Variants in COL21A1 observed in about 807,000 individuals in gnomAD.
The protein encoded by COL21A1 is collagen alpha-1(XXI) chain.
In COL21A1, 149 loss-of-function variants were observed where a neutral mutation model predicts 137.9. That is an observed-to-expected ratio of 1.08 (90% CI 0.95 to 1.24). The LOEUF is 1.24. COL21A1 is among the 50% of genes most tolerant of loss of function. COL21A1 has a pLI of 0.00. For missense variants in COL21A1, 1,167 were observed against 1,158.4 expected, an observed-to-expected ratio of 1.01 and a Z score of -0.11; for synonymous variants, 456 against 391.5, an observed-to-expected ratio of 1.16 and a Z score of -1.95.
intron 1 of COL21A1, among the ~76,000 whole-genome samples, chr6:56,222,940 C>T (rs990189): frequency 0.064 from 9,716 of 151,808 alleles, 359 homozygotes; most frequent in Middle Eastern, 0.13. Context: ...ACATTTTTTG[C>T]TCTCATACCA....
At chr6:56,230,266 G>C (rs1253684776) in intron 1 of COL21A1, among the ~76,000 whole-genome samples, 1 of 151,882 alleles carries the variant, frequency 6.6e-6, no homozygotes, top group Non-Finnish European at 1.5e-5. Flanking sequence ...GGGGAATCTT[G>C]TATCAATCTC....
intron 12 of COL21A1, among the ~76,000 whole-genome samples, chr6:56,127,626 T>C (rs989446150): frequency 3.9e-5 from 6 of 152,214 alleles, no homozygotes; most frequent in African/African-American, 1.4e-4. Context: ...TAATTGATGA[T>C]AATTTAGAAT....
chr6:56,182,721 T>A, intron 1 of COL21A1, 65 bp from the exon 2 acceptor site: 1 of 710,070 alleles, frequency 1.4e-6, no homozygotes, highest in Non-Finnish European at 2.4e-6. Context: ...ATTATACATT[T>A]ACATTTTGAA....
chr6:56,288,853 C>A (rs1349547975), intron 1 of COL21A1, among the ~76,000 whole-genome samples: 1 of 152,180 alleles, frequency 6.6e-6, no homozygotes, highest in Non-Finnish European at 1.5e-5. Flanking sequence ...ATACTCATAG[C>A]AATGATTTTA....
chr6:56,342,183 G>A lies in COL21A1; in HGVS notation c.-39+51788C>T, dbSNP rs76082584. On this transcript the variant is annotated intron_variant, in intron 1 of 28. Transcript: ENST00000370819. ...ATAAAAACTTCAGAAAAGGAATAAC[G>A]TGGTTTCTGCTGTACCTCGGGGAAA... 1.3e-3 allele frequency among the ~76,000 whole-genome samples: 196 copies of A among 152,266 alleles called. 1 individual carries two copies. The highest frequency in any genetic ancestry group is 4.4e-3 in the East Asian group (23 of 5,176).
Position 56,141,828 on chromosome 6 carries a change from C to T in COL21A1, c.1499G>A (p.Gly500Glu). ...PGSPGIQGARGLPGYKGEPGR... is the reference protein window; with the variant it reads ...PGSPGIQGARELPGYKGEPGR... Reference sequence around the variant, plus strand: ...TGGTTCTCCTTTGTAACCTGGTAGTCCTCGAGCTCCCTAAATTAACCAGAA... The same window carrying T: ...TGGTTCTCCTTTGTAACCTGGTAGTTCTCGAGCTCCCTAAATTAACCAGAA... Residue 500 changes from glycine to glutamate, a missense_variant, in exon 12 of 30, where the codon GGA becomes GAA. Physicochemically the swap from Gly to Glu is moderately conservative, Grantham distance 98 (BLOSUM62 -2). Transcript: ENST00000244728. 1 of 1,613,538 alleles carries T rather than the reference C, an allele frequency of 6.2e-7. No homozygotes were observed. The highest frequency in any genetic ancestry group is 8.5e-7 in the Non-Finnish European group (1 of 1,179,656).
intron 1 of COL21A1, chr6:56,393,909 A>T (rs1310129352): frequency 6.6e-6 from 1 of 152,358 alleles, no homozygotes; most frequent in African/African-American, 2.4e-5. Flanking sequence ...AAACGGCGAG[A>T]AGAGCCTCAC....
intron 16 of COL21A1, among the ~76,000 whole-genome samples, chr6:56,122,125 A>G (rs571855651): frequency 2.1e-4 from 32 of 152,220 alleles, no homozygotes; most frequent in Admixed American, 7.2e-4. Flanking sequence ...ACCCACAAAA[A>G]TGTCATGGTA....
chr6:56,112,996 T>C (rs1285082794), intron 16 of COL21A1, among the ~76,000 whole-genome samples: 1 of 152,118 alleles, frequency 6.6e-6, no homozygotes, highest in African/African-American at 2.4e-5. Flanking sequence ...GAGGAAGCAT[T>C]TAAACCAGCC....
intron 1 of COL21A1, among the ~76,000 whole-genome samples, chr6:56,272,862 T>C (rs1192495520): frequency 2.0e-5 from 3 of 152,206 alleles, no homozygotes; most frequent in African/African-American, 4.8e-5. Context: ...CCCCAAGCCA[T>C]ATGGAACTGT....
At chr6:56,242,935 C>A (rs1266625195) in intron 1 of COL21A1, among the ~76,000 whole-genome samples, 1 of 152,126 alleles carries the variant, frequency 6.6e-6, no homozygotes, top group Non-Finnish European at 1.5e-5. Flanking sequence ...TCAACATTAT[C>A]TGATTTTTTG....
intron 1 of COL21A1, among the ~76,000 whole-genome samples, chr6:56,270,644 C>T (rs1763503639): frequency 6.6e-6 from 1 of 152,194 alleles, no homozygotes; most frequent in Non-Finnish European, 1.5e-5. Flanking sequence ...TTCTCTCACC[C>T]TAATCTCATC....
chr6:56,257,426 A>C (rs1763125246), intron 1 of COL21A1, among the ~76,000 whole-genome samples: 1 of 152,102 alleles, frequency 6.6e-6, no homozygotes, highest in Admixed American at 6.5e-5. Flanking sequence ...TACCCAATAG[A>C]ATAATCACAA....
At chr6:56,321,525 T>G (rs1562054410) in intron 1 of COL21A1, among the ~76,000 whole-genome samples, 1 of 152,184 alleles carries the variant, frequency 6.6e-6, no homozygotes, top group Non-Finnish European at 1.5e-5. Flanking sequence ...TTGCTGTTTA[T>G]GTTTATTGCA....
intron 1 of COL21A1, among the ~76,000 whole-genome samples, chr6:56,199,239 T>C (rs1001477733): frequency 1.3e-5 from 2 of 152,250 alleles, no homozygotes; most frequent in Admixed American, 6.5e-5. Context: ...TTCTAGTGAA[T>C]TGGGCTGTAA....
At chr6:56,094,436 C>T (rs779965715) in intron 17 of COL21A1, among the ~76,000 whole-genome samples, 2 of 147,634 alleles carry the variant, frequency 1.4e-5, no homozygotes, top group African/African-American at 2.5e-5. Flanking sequence ...CACATGACTT[C>T]CACTTCTTCA....
intron 1 of COL21A1, among the ~76,000 whole-genome samples, chr6:56,359,450 C>T (rs762009073): frequency 6.6e-6 from 1 of 152,178 alleles, no homozygotes; most frequent in Non-Finnish European, 1.5e-5. Flanking sequence ...TACCTTTCTT[C>T]AACTCAGTTC....
intron 1 of COL21A1, among the ~76,000 whole-genome samples, chr6:56,291,169 TA>T (rs1405503195): frequency 1.3e-5 from 2 of 152,120 alleles, no homozygotes; most frequent in African/African-American, 4.8e-5. Context: ...TAAAGTTAAC[TA>T]GGTAATTGAA....
chr6:56,079,613 C>A (rs1767571801), intron 17 of COL21A1, among the ~76,000 whole-genome samples: 1 of 151,590 alleles, frequency 6.6e-6, no homozygotes, highest in Non-Finnish European at 1.5e-5. Flanking sequence ...ATCTGAGACA[C>A]TCTAATACTG....
Sources: allele counts gnomAD v4.1 joint callset (sites outside exome capture counted in the v4.1 genomes callset), GRCh38; gene constraint gnomAD v4.1.1; transcripts MANE v1.5; gene names NCBI Gene and HGNC (gene_info 2026-07-23, HGNC 2026-07-21).